ANKDD1B: variants seen among roughly 807,000 people sequenced by gnomAD.
ANKDD1B encodes the protein ankyrin repeat and death domain containing 1B.
ANKDD1B carries 57 observed loss-of-function variants against 59.7 expected under a neutral mutation model. The ratio of observed to expected loss-of-function variants is 0.95; its 90% CI spans 0.77 to 1.19. ANKDD1B has a LOEUF of 1.19. ANKDD1B is among the 50% of genes most tolerant of loss of function. ANKDD1B has a pLI of 0.00. For synonymous variants in ANKDD1B, 216 were observed against 239.5 expected (o/e 0.90, Z 0.91); for missense variants, 602 against 641.9 (o/e 0.94, Z 0.67).
chr5:75,659,804 T>C (rs541472119), intron 10 of ANKDD1B, among the ~76,000 whole-genome samples: 1 of 152,330 alleles, frequency 6.6e-6, no homozygotes, highest in Admixed American at 6.5e-5. Context: ...CACATTTTAC[T>C]CTTATTCCCT....
At chr5:75,668,237 C>T (rs1775365715) in intron 12 of ANKDD1B, among the ~76,000 whole-genome samples, 1 of 152,114 alleles carries the variant, frequency 6.6e-6, no homozygotes. Context: ...GGGATAGATA[C>T]ATCAGCTCTC....
chr5:75,654,248 C>T (rs1171356040), intron 8 of ANKDD1B, among the ~76,000 whole-genome samples: 1 of 152,150 alleles, frequency 6.6e-6, no homozygotes, highest in Non-Finnish European at 1.5e-5. Flanking sequence ...GTCTCTCTTC[C>T]ATCCATCTAC....
intron 3 of ANKDD1B, among the ~76,000 whole-genome samples, chr5:75,623,293 G>T (rs1773904702): frequency 6.6e-6 from 1 of 152,026 alleles, no homozygotes; most frequent in South Asian, 2.1e-4. Flanking sequence ...TCGAACTCCT[G>T]ACCACAGGTG....
At chr5:75,640,390 G>A (rs572599165) in intron 7 of ANKDD1B, among the ~76,000 whole-genome samples, 61 of 152,262 alleles carry the variant, frequency 4.0e-4, no homozygotes, top group African/African-American at 1.4e-3. Flanking sequence ...TCTGTAACAT[G>A]TGGATAATAT....
chr5:75,629,617 A>T (rs1159798033), intron 5 of ANKDD1B, among the ~76,000 whole-genome samples: 1 of 152,170 alleles, frequency 6.6e-6, no homozygotes, highest in African/African-American at 2.4e-5. Context: ...ATGCAAAAAA[A>T]AAAATTAAAT....
At chr5:75,649,080 G>C (rs574355937) in intron 7 of ANKDD1B, among the ~76,000 whole-genome samples, 1 of 152,028 alleles carries the variant, frequency 6.6e-6, no homozygotes, top group Admixed American at 6.6e-5. Context: ...CCTATTAACT[G>C]CCCTGGGTCC....
intron 8 of ANKDD1B, among the ~76,000 whole-genome samples, chr5:75,653,705 T>TC (rs1270520056): frequency 6.6e-6 from 1 of 152,114 alleles, no homozygotes; most frequent in Non-Finnish European, 1.5e-5. Context: ...TTAACAAAGG[T>TC]CCTCTGTGCT....
At chr5:75,665,029 A>G (rs1775270916) in intron 11 of ANKDD1B, among the ~76,000 whole-genome samples, 1 of 152,220 alleles carries the variant, frequency 6.6e-6, no homozygotes, top group South Asian at 2.1e-4. Context: ...TATGATTTAA[A>G]TTTCCTCTCT....
chr5:75,633,622 T>C (rs1184892724), intron 5 of ANKDD1B, among the ~76,000 whole-genome samples: 2 of 152,206 alleles, frequency 1.3e-5, no homozygotes, highest in Admixed American at 1.3e-4. Flanking sequence ...TTCTCTTTAA[T>C]TGAAGAAAAT....
intron 1 of ANKDD1B, 145 bp downstream of exon 1, chr5:75,611,972 G>T (rs1365547614): frequency 6.8e-6 from 4 of 592,052 alleles, no homozygotes; most frequent in Non-Finnish European, 9.9e-6. Flanking sequence ...CCGAGTCCCA[G>T]CCTGCACCGC....
chr5:75,663,386 A>C lies in ANKDD1B; in HGVS notation c.1096-8A>C. 6.5e-7 allele frequency: 1 copy of C among 1,534,068 alleles called. No individual in the cohort carries two copies. The highest frequency in any genetic ancestry group is 8.7e-7 in the Non-Finnish European group (1 of 1,145,730). ...ATCACCTGAATTTTTTTTCTTTTTT[A>C]ATTTTAGCAAGGAAAGACTGCCCTG... On this transcript the variant is annotated splice_polypyrimidine_tract_variant and splice_region_variant and intron_variant, in intron 10 of 13. Transcript: ENST00000601380.
chr5:75,614,532 C>A (rs893315477), intron 1 of ANKDD1B, among the ~76,000 whole-genome samples: 4 of 152,132 alleles, frequency 2.6e-5, no homozygotes, highest in Admixed American at 1.3e-4. Context: ...AGAATTGTGT[C>A]CCAATACCAA....
chr5:75,615,702 G>A (rs1773698763), intron 1 of ANKDD1B, among the ~76,000 whole-genome samples: 1 of 149,802 alleles, frequency 6.7e-6, no homozygotes, highest in South Asian at 2.1e-4. Flanking sequence ...GTGTGTGTGT[G>A]TCCTAATCTC....
Position 75,620,517 on chromosome 5 carries a change from T to C in ANKDD1B, c.396+104T>C, listed in dbSNP as rs1773820431. 5 of 636,008 alleles carry C rather than the reference T, an allele frequency of 7.9e-6. No homozygotes were observed. The Middle Eastern group carries it at 1.0e-3, about 129-fold the overall frequency. The allele number at this position is 636,008 out of a possible 1,614,324, so 39.4% of individuals were successfully genotyped here. Reference sequence around the variant, plus strand: ...TTCTTCACATACACACAAAATATTTTAATTGGCAGTGTTCGTTTTGGAAAG... The same window carrying C: ...TTCTTCACATACACACAAAATATTTCAATTGGCAGTGTTCGTTTTGGAAAG... On this transcript the variant is annotated intron_variant, in intron 3 of 13. Coordinates refer to ENST00000601380, the MANE Select transcript of ANKDD1B (RefSeq NM_001276713.2).
chr5:75,650,484 C>G (rs971922785), intron 7 of ANKDD1B, among the ~76,000 whole-genome samples: 1 of 152,108 alleles, frequency 6.6e-6, no homozygotes, highest in Non-Finnish European at 1.5e-5. Context: ...CTTTTTTTAG[C>G]CCAGTGGGAT....
At chr5:75,636,120 G>T (rs1006152417) in intron 7 of ANKDD1B, among the ~76,000 whole-genome samples, 6 of 152,186 alleles carry the variant, frequency 3.9e-5, no homozygotes, top group African/African-American at 1.4e-4. Flanking sequence ...TATGCCAGAT[G>T]AAGTATGTAT....
chr5:75,643,180 C>A (rs1157126979), intron 7 of ANKDD1B, among the ~76,000 whole-genome samples: 1,265 of 61,918 alleles, frequency 0.02, no homozygotes, highest in Middle Eastern at 0.051. Flanking sequence ...AACTCTAAAA[C>A]GCAGAGCGCC....
chr5:75,634,454 G>A (rs976923170), intron 5 of ANKDD1B, among the ~76,000 whole-genome samples: 2 of 152,166 alleles, frequency 1.3e-5, no homozygotes, highest in African/African-American at 2.4e-5. Flanking sequence ...GTCTGAATGA[G>A]CCACATAAAT....
At chr5:75,619,565 T>C (rs553690245) in intron 2 of ANKDD1B, among the ~76,000 whole-genome samples, 13 of 152,344 alleles carry the variant, frequency 8.5e-5, no homozygotes, top group African/African-American at 3.1e-4. Flanking sequence ...TTTTTTATTA[T>C]TTATGTATAA....
Sources: allele counts gnomAD v4.1 joint callset (sites outside exome capture counted in the v4.1 genomes callset), GRCh38; gene constraint gnomAD v4.1.1; transcripts MANE v1.5; gene names NCBI Gene and HGNC (gene_info 2026-07-23, HGNC 2026-07-21).